TMEM62: variants seen among roughly 807,000 people sequenced by gnomAD.
The protein encoded by TMEM62 is transmembrane protein 62.
TMEM62 carries 41 observed loss-of-function variants against 70.4 expected under a neutral mutation model. The observed-to-expected ratio is 0.58, with a 90% CI of 0.45 to 0.76. The LOEUF (loss-of-function observed/expected upper bound fraction) is 0.76, where lower values mean the gene tolerates loss of function less well. Ranked by LOEUF, TMEM62 falls within the 30% of genes least tolerant of loss-of-function variation. The pLI is 0.00. For synonymous variants in TMEM62, 268 were observed against 291.0 expected (o/e 0.92, Z 0.80); for missense variants, 688 against 788.5 (o/e 0.87, Z 1.53).
chr15:43,162,444 T>TG (rs893899497), intron 10 of TMEM62, among the ~76,000 whole-genome samples: 11 of 147,452 alleles, frequency 7.5e-5, no homozygotes, highest in South Asian at 2.2e-4. Flanking sequence ...TTTTTTTTTT[T>TG]TTGTTGAGCT....
At chr15:43,172,499 C>T (rs556551062) in intron 11 of TMEM62, among the ~76,000 whole-genome samples, 1 of 152,250 alleles carries the variant, frequency 6.6e-6, no homozygotes, top group South Asian at 2.1e-4. Flanking sequence ...ATTAAATCAA[C>T]TATATTAAAT....
chr15:43,181,587 C>T (rs2041332316), intron 13 of TMEM62, among the ~76,000 whole-genome samples: 1 of 152,188 alleles, frequency 6.6e-6, no homozygotes, highest in African/African-American at 2.4e-5. Flanking sequence ...CTGCAGCCTC[C>T]ACCTCTTGGG....
intron 3 of TMEM62, 49 bp from the exon 4 acceptor site, chr15:43,138,525 C>CT (rs1367596823): frequency 6.5e-6 from 9 of 1,389,166 alleles, no homozygotes; most frequent in East Asian, 4.7e-5. Context: ...TGTTTGTATT[C>CT]TTTTTTTAAT....
chr15:43,182,353 C>T (rs567661907), intron 13 of TMEM62, among the ~76,000 whole-genome samples: 1 of 152,174 alleles, frequency 6.6e-6, no homozygotes, highest in Non-Finnish European at 1.5e-5. Flanking sequence ...AAGACTTCTG[C>T]CTAGCAAACA....
At chr15:43,167,124 G>A (rs1375013140) in intron 10 of TMEM62, among the ~76,000 whole-genome samples, 3 of 151,964 alleles carry the variant, frequency 2.0e-5, no homozygotes, top group East Asian at 2.0e-4. Flanking sequence ...GGGCAGAGGC[G>A]CCCCTCACCT....
At chr15:43,153,262 A>G (rs935799715) in intron 8 of TMEM62, among the ~76,000 whole-genome samples, 8 of 152,134 alleles carry the variant, frequency 5.3e-5, no homozygotes, top group African/African-American at 1.9e-4. Context: ...GGTAAGCATG[A>G]TTAAACAAAG....
intron 11 of TMEM62, among the ~76,000 whole-genome samples, chr15:43,173,393 C>A (rs1287220451): frequency 1.3e-5 from 2 of 152,166 alleles, no homozygotes; most frequent in Non-Finnish European, 2.9e-5. Flanking sequence ...ATCCATAGAT[C>A]ACTTCTGTAT....
At chr15:43,162,710 C>T (rs1030198233) in intron 10 of TMEM62, among the ~76,000 whole-genome samples, 4 of 152,032 alleles carry the variant, frequency 2.6e-5, no homozygotes, top group Non-Finnish European at 5.9e-5. Flanking sequence ...GGGATTACAG[C>T]GGTAAGCCAC....
intron 11 of TMEM62, among the ~76,000 whole-genome samples, chr15:43,171,694 C>G (rs1407926542): frequency 6.9e-6 from 1 of 144,194 alleles, no homozygotes; most frequent in Non-Finnish European, 1.5e-5. Flanking sequence ...GTGGCGCAAT[C>G]TCAGCTCACT....
At chr15:43,161,931 G>A (rs2038754701) in intron 10 of TMEM62, among the ~76,000 whole-genome samples, 1 of 151,842 alleles carries the variant, frequency 6.6e-6, no homozygotes, top group Non-Finnish European at 1.5e-5. Flanking sequence ...CAAAGTGCTG[G>A]GATTACAGGC....
At chr15:43,149,240 C>T (rs2037068167) in intron 7 of TMEM62, 89 bp downstream of exon 7, 3 of 1,346,856 alleles carry the variant, frequency 2.2e-6, no homozygotes, top group Admixed American at 4.8e-5. Context: ...TGGGTGATCA[C>T]AGTTAAAGAA....
chr15:43,182,751 G>A (rs2041475612), intron 13 of TMEM62, among the ~76,000 whole-genome samples: 1 of 152,162 alleles, frequency 6.6e-6, no homozygotes, highest in Non-Finnish European at 1.5e-5. Flanking sequence ...ACTGCACCCA[G>A]CCTCATTGCA....
chr15:43,157,976 G>A (rs753173261), intron 9 of TMEM62, among the ~76,000 whole-genome samples: 1 of 152,048 alleles, frequency 6.6e-6, no homozygotes, highest in African/African-American at 2.4e-5. Context: ...TGTACAGATT[G>A]CATCCCTTAC....
chr15:43,155,027 A>T (rs1398814270), intron 9 of TMEM62, among the ~76,000 whole-genome samples, 196 bp downstream of exon 9: 1 of 152,202 alleles, frequency 6.6e-6, no homozygotes. Context: ...TAGGAGTTCG[A>T]GACCAGCCTG....
At position 43,146,626 on chromosome 15, in the gene TMEM62, T is replaced by A; in HGVS notation, c.610T>A (p.Leu204Ile). Residue 204 changes from leucine (L) to isoleucine (I), a missense_variant, in exon 5 of 14, where the codon TTA becomes ATA. Leu to Ile is a conservative substitution (Grantham distance 5). Coordinates refer to ENST00000260403, the MANE Select transcript of TMEM62 (RefSeq NM_024956.4). ...PKRPYNFFGILDKKKMEELLL... is the reference protein window; with the variant it reads ...PKRPYNFFGIIDKKKMEELLL... ...GAGACCCTATAATTTCTTTGGAATT[T>A]TAGATAAGGTGCAGTAAAAATCTTA... 6.2e-7 allele frequency: 1 copy of A among 1,606,784 alleles called. No individual in the cohort carries two copies. The highest frequency in any genetic ancestry group is 8.5e-7 in the Non-Finnish European group (1 of 1,177,850).
At chr15:43,173,878 T>A (rs1027130241) in intron 11 of TMEM62, among the ~76,000 whole-genome samples, 14 of 126,522 alleles carry the variant, frequency 1.1e-4, no homozygotes, top group African/African-American at 3.3e-4. Context: ...TTTTTTTTTT[T>A]AGACAGTCTC....
intron 8 of TMEM62, among the ~76,000 whole-genome samples, chr15:43,153,874 G>GA (rs1433424581): frequency 6.6e-6 from 1 of 152,122 alleles, no homozygotes; most frequent in Non-Finnish European, 1.5e-5. Context: ...GGAATTGCTG[G>GA]ATCATATGGT....
chr15:43,149,226 A>G, intron 7 of TMEM62, 75 bp downstream of exon 7: 2 of 1,435,892 alleles, frequency 1.4e-6, no homozygotes, highest in Non-Finnish European at 1.9e-6. Flanking sequence ...TCTTACTGAT[A>G]TCATGGGTGA....
At chr15:43,141,687 A>C (rs1287154824) in intron 4 of TMEM62, among the ~76,000 whole-genome samples, 1 of 152,218 alleles carries the variant, frequency 6.6e-6, no homozygotes, top group Admixed American at 6.5e-5. Context: ...CCTCTGATGG[A>C]TGTGGGCAGT....
Sources: gnomAD v4.1 joint callset for allele counts (sites outside exome capture counted in the v4.1 genomes callset) on GRCh38, gnomAD v4.1.1 for gene constraint, MANE v1.5 for transcripts, NCBI Gene and HGNC (gene_info 2026-07-23, HGNC 2026-07-21) for gene names.